The following LRRC37A2 variants were observed in gnomAD, a reference collection of about 807,000 sequenced individuals.
The protein encoded by LRRC37A2 is leucine-rich repeat-containing protein 37A2.
Under a neutral mutation model 68.8 loss-of-function variants are expected in LRRC37A2, and 9 were observed. That is an observed-to-expected ratio of 0.13 (90% CI 0.08 to 0.23). The LOEUF is 0.23. Among genes scored for constraint, LRRC37A2 ranks in the 10% least tolerant of loss-of-function variants. LRRC37A2 has a pLI of 1.00. For synonymous variants in LRRC37A2, 63 were observed against 367.6 expected (o/e 0.17, Z 9.48); for missense variants, 168 against 950.4 (o/e 0.18, Z 10.82).
the LRRC37A2 span, among the ~76,000 whole-genome samples, chr17:46,850,187 A>G: frequency 5.3e-5 from 8 of 152,186 alleles, no homozygotes; most frequent in Non-Finnish European, 1.2e-4. Flanking sequence ...ATCCTGTTAG[A>G]TATTTCTCAT....
chr17:46,806,908 G>T, the LRRC37A2 span, among the ~76,000 whole-genome samples: 1 of 152,208 alleles, frequency 6.6e-6, no homozygotes, highest in African/African-American at 2.4e-5. Flanking sequence ...GAGCAGCTCT[G>T]TTGGAGAGAG....
At chr17:46,974,269 G>A in the LRRC37A2 span, among the ~76,000 whole-genome samples, 7 of 152,240 alleles carry the variant, frequency 4.6e-5, no homozygotes, top group East Asian at 1.9e-4. Context: ...TCTGCCATCC[G>A]TTGCTCACCC....
chr17:46,845,785 C>CTTTTTTTT, the LRRC37A2 span, among the ~76,000 whole-genome samples: 1 of 86,792 alleles, frequency 1.2e-5, no homozygotes. Context: ...ACTGTGCTGG[C>CTTTTTTTT]TTTTTTTTTT....
At chr17:46,818,873 C>A in the LRRC37A2 span, 1 of 518,418 alleles carries the variant, frequency 1.9e-6, no homozygotes, top group Non-Finnish European at 3.4e-6. Flanking sequence ...GCCCACAACT[C>A]GGGCTCCGGG....
the LRRC37A2 span, among the ~76,000 whole-genome samples, chr17:46,825,433 G>A: frequency 6.6e-6 from 1 of 152,202 alleles, no homozygotes; most frequent in African/African-American, 2.4e-5. Flanking sequence ...ATTTCTCATC[G>A]CACACATTGA....
chr17:46,896,392 G>GAGAA, the LRRC37A2 span, among the ~76,000 whole-genome samples: 152 of 88,834 alleles, frequency 1.7e-3, 3 homozygotes, highest in Middle Eastern at 5.7e-3. Context: ...AAGAAAGAAA[G>GAGAA]AGAAAGAAAG....
At chr17:46,947,771 T>G in the LRRC37A2 span, among the ~76,000 whole-genome samples, 36 of 151,724 alleles carry the variant, frequency 2.4e-4, no homozygotes, top group Middle Eastern at 0.01. Context: ...CTAGAAATAG[T>G]TTTTTTTTCT....
At chr17:46,909,337 A>G in the LRRC37A2 span, among the ~76,000 whole-genome samples, 33 of 152,320 alleles carry the variant, frequency 2.2e-4, no homozygotes, top group African/African-American at 7.5e-4. Flanking sequence ...GGGAAGATGC[A>G]TGTATTTAAT....
the LRRC37A2 span, among the ~76,000 whole-genome samples, chr17:46,875,547 C>G: frequency 6.6e-6 from 1 of 152,210 alleles, no homozygotes; most frequent in East Asian, 1.9e-4. Flanking sequence ...TGGGCTGTGA[C>G]TGGGTGCCAG....
the LRRC37A2 span, among the ~76,000 whole-genome samples, chr17:46,808,673 TAGAG>T: frequency 6.6e-6 from 1 of 152,064 alleles, no homozygotes; most frequent in African/African-American, 2.4e-5. Context: ...TGTTCCTAGA[TAGAG>T]AAACAACTTC....
the LRRC37A2 span, among the ~76,000 whole-genome samples, chr17:46,789,457 G>C: frequency 6.6e-6 from 1 of 152,318 alleles, no homozygotes; most frequent in Admixed American, 6.5e-5. Context: ...CCAGGAAACT[G>C]GATCATTAAA....
At chr17:47,018,973 G>C in the LRRC37A2 span, 1 of 1,518,976 alleles carries the variant, frequency 6.6e-7, no homozygotes, top group Non-Finnish European at 9.1e-7. Context: ...CCAACACCAG[G>C]TCAGGATCAA....
At chr17:46,870,323 C>A in the LRRC37A2 span, among the ~76,000 whole-genome samples, 1 of 152,222 alleles carries the variant, frequency 6.6e-6, no homozygotes, top group Non-Finnish European at 1.5e-5. Flanking sequence ...CCAGTCAAGG[C>A]GTGGCCTCCT....
chr17:46,691,520 G>A, the LRRC37A2 span, among the ~76,000 whole-genome samples: 1 of 145,200 alleles, frequency 6.9e-6, no homozygotes, highest in African/African-American at 2.6e-5. Flanking sequence ...ACTTGAACCC[G>A]GGAGGCAGAG....
chr17:46,869,736 C>T, the LRRC37A2 span, among the ~76,000 whole-genome samples: 6 of 152,286 alleles, frequency 3.9e-5, no homozygotes, highest in South Asian at 6.2e-4. Context: ...CAGTGGCTCA[C>T]GTCTGTAATT....
the LRRC37A2 span, among the ~76,000 whole-genome samples, chr17:46,458,699 G>A: frequency 9.7e-6 from 1 of 102,962 alleles, no homozygotes; most frequent in African/African-American, 3.4e-5. Flanking sequence ...GCACCACCAC[G>A]CCCAGCTAAT....
At chr17:46,687,190 T>C in the LRRC37A2 span, among the ~76,000 whole-genome samples, 2 of 70,114 alleles carry the variant, frequency 2.9e-5, no homozygotes, top group Non-Finnish European at 2.7e-5. Context: ...TCTGTCCTGC[T>C]TTTATATTCC....
the LRRC37A2 span, chr17:46,998,567 G>C: frequency 6.6e-6 from 1 of 152,236 alleles, no homozygotes; most frequent in Non-Finnish European, 1.5e-5. Flanking sequence ...GAACAGGAAG[G>C]GTCACCTCCC....
the LRRC37A2 span, among the ~76,000 whole-genome samples, chr17:46,568,495 T>TAA: frequency 1.9e-5 from 2 of 103,450 alleles, no homozygotes; most frequent in Admixed American, 9.8e-5. Context: ...AATAAGCAGT[T>TAA]AAAAAAAAAA....
Sources: allele counts gnomAD v4.1 joint callset (sites outside exome capture counted in the v4.1 genomes callset), GRCh38; gene constraint gnomAD v4.1.1; transcripts MANE v1.5; gene names NCBI Gene and HGNC (gene_info 2026-07-23, HGNC 2026-07-21).